Variants in RALYL observed in about 807,000 individuals in gnomAD.
RALYL encodes RNA-binding Raly-like protein.
RALYL carries 29 observed loss-of-function variants against 35.1 expected under a neutral mutation model. The ratio of observed to expected loss-of-function variants is 0.83; its 90% CI spans 0.61 to 1.13. The LOEUF is 1.13. RALYL is among the 50% of genes most tolerant of loss of function. RALYL has a pLI of 0.00. For missense variants in RALYL, 359 were observed against 360.4 expected, an observed-to-expected ratio of 1.00 and a Z score of 0.03; for synonymous variants, 120 against 127.6, an observed-to-expected ratio of 0.94 and a Z score of 0.40.
intron 2 of RALYL, among the ~76,000 whole-genome samples, chr8:84,667,651 C>T (rs1832353327): frequency 6.6e-6 from 1 of 151,832 alleles, no homozygotes; most frequent in Non-Finnish European, 1.5e-5. Flanking sequence ...CATTTTTTTT[C>T]CCTGAATAAT....
chr8:84,273,850 G>T (rs910073165), intron 1 of RALYL, among the ~76,000 whole-genome samples: 1 of 152,206 alleles, frequency 6.6e-6, no homozygotes, highest in African/African-American at 2.4e-5. Context: ...AGGGTTGCTT[G>T]AATAGCATTA....
intron 2 of RALYL, among the ~76,000 whole-genome samples, chr8:84,552,699 G>A (rs567765320): frequency 1.3e-5 from 2 of 150,470 alleles, no homozygotes; most frequent in South Asian, 2.1e-4. Context: ...TTTGACTTTG[G>A]TTTCCTAATT....
At chr8:84,690,409 A>G (rs2132138141) in intron 2 of RALYL, among the ~76,000 whole-genome samples, 1 of 152,226 alleles carries the variant, frequency 6.6e-6, no homozygotes, top group East Asian at 1.9e-4. Context: ...TTGGTCAAAG[A>G]GTATAAAGTT....
chr8:84,903,392 G>C (rs1846000688), intron 8 of RALYL, among the ~76,000 whole-genome samples: 1 of 152,122 alleles, frequency 6.6e-6, no homozygotes, highest in South Asian at 2.1e-4. Context: ...CTAGATCTTT[G>C]TATTTTGGTC....
At chr8:84,540,851 G>A (rs2059973955) in intron 2 of RALYL, among the ~76,000 whole-genome samples, 5 of 151,856 alleles carry the variant, frequency 3.3e-5, no homozygotes, top group Middle Eastern at 6.8e-3. Flanking sequence ...AAGTACTATT[G>A]AGATTTTTAA....
Position 84,687,388 on chromosome 8 carries a change from C to G in RALYL, c.257-87191C>G, listed in dbSNP as rs192974584. ...CAGAACACTCTTGATAGAAGCACATCGAATGGGAAAAAATACCCGAGTGAA... is the reference window on the plus strand; with the variant it reads ...CAGAACACTCTTGATAGAAGCACATGGAATGGGAAAAAATACCCGAGTGAA... On this transcript the variant is annotated intron_variant, in intron 2 of 8. Transcript: ENST00000521268. Among the ~76,000 whole-genome samples, 357 of 152,128 alleles carry G rather than the reference C, an allele frequency of 2.3e-3. 3 individuals carry two copies. The highest frequency in any genetic ancestry group is 8.1e-3 in the African/African-American group (335 of 41,538).
At chr8:84,640,140 A>C (rs568148571) in intron 2 of RALYL, among the ~76,000 whole-genome samples, 1 of 152,144 alleles carries the variant, frequency 6.6e-6, no homozygotes, top group Non-Finnish European at 1.5e-5. Flanking sequence ...ATATTATTGC[A>C]ACAGAAACAT....
intron 2 of RALYL, among the ~76,000 whole-genome samples, chr8:84,549,210 G>A (rs2135400694): frequency 6.6e-6 from 1 of 152,306 alleles, no homozygotes; most frequent in African/African-American, 2.4e-5. Flanking sequence ...TTTGTCAGGA[G>A]CTCAGCTAAG....
chr8:84,761,138 C>T (rs966326940), intron 2 of RALYL, among the ~76,000 whole-genome samples: 9 of 151,928 alleles, frequency 5.9e-5, no homozygotes, highest in African/African-American at 1.9e-4. Flanking sequence ...GCTTATTTTC[C>T]TCAGCACCTG....
At chr8:84,812,389 A>G (rs1194101545) in intron 4 of RALYL, among the ~76,000 whole-genome samples, 1 of 151,952 alleles carries the variant, frequency 6.6e-6, no homozygotes, top group Non-Finnish European at 1.5e-5. Context: ...TTAATGCTCT[A>G]TTTTTGTGCG....
Position 84,392,773 on chromosome 8 carries a change from G to A in RALYL, c.-23-136526G>A, listed in dbSNP as rs570003157. 1.8e-4 allele frequency among the ~76,000 whole-genome samples: 27 copies of A among 152,058 alleles called. No individual in the cohort carries two copies. The South Asian group carries it at 2.5e-3, about 14-fold the overall frequency. ...CTTTTGTATGTACATTAAAGCTGGC[G>A]GGTGGGGAGAAGAGGAAAAAAAATC... On this transcript the variant is annotated intron_variant, in intron 1 of 8. Coordinates refer to ENST00000521268, the MANE Select transcript of RALYL (RefSeq NM_173848.7).
intron 3 of RALYL, among the ~76,000 whole-genome samples, chr8:84,793,955 T>C (rs991490418): frequency 2.0e-5 from 3 of 152,218 alleles, no homozygotes; most frequent in African/African-American, 4.8e-5. Context: ...ACCAAGTCTA[T>C]GTCAGACATT....
At chr8:84,524,394 C>T (rs1564083925) in intron 1 of RALYL, among the ~76,000 whole-genome samples, 1 of 152,144 alleles carries the variant, frequency 6.6e-6, no homozygotes, top group Non-Finnish European at 1.5e-5. Flanking sequence ...ATCAAAACCA[C>T]AAAGAGATAC....
At chr8:84,644,657 G>A (rs1216394421) in intron 2 of RALYL, among the ~76,000 whole-genome samples, 1 of 151,612 alleles carries the variant, frequency 6.6e-6, no homozygotes, top group African/African-American at 2.4e-5. Flanking sequence ...GCCTTCCTGT[G>A]TATTATCTTG....
chr8:84,751,746 T>C (rs187796788), intron 2 of RALYL, among the ~76,000 whole-genome samples: 2 of 152,214 alleles, frequency 1.3e-5, no homozygotes, highest in East Asian at 3.9e-4. Flanking sequence ...AAATCCTGAC[T>C]GCCCCCTTTG....
intron 2 of RALYL, among the ~76,000 whole-genome samples, chr8:84,634,128 T>C (rs960140449): frequency 6.6e-6 from 1 of 151,860 alleles, no homozygotes; most frequent in Non-Finnish European, 1.5e-5. Context: ...GATTAGAATT[T>C]GTATTATTAA....
chr8:84,214,838 ATT>A (rs1213362856), intron 1 of RALYL, among the ~76,000 whole-genome samples: 1 of 151,580 alleles, frequency 6.6e-6, no homozygotes, highest in African/African-American at 2.4e-5. Context: ...AATATTTTGG[ATT>A]TTTTTGTGTG....
chr8:84,536,701 C>G (rs1266367733), intron 2 of RALYL, among the ~76,000 whole-genome samples: 1 of 152,094 alleles, frequency 6.6e-6, no homozygotes, highest in African/African-American at 2.4e-5. Flanking sequence ...TTATGTAATT[C>G]TATTACCATT....
intron 2 of RALYL, among the ~76,000 whole-genome samples, chr8:84,673,108 G>A (rs1209524653): frequency 1.3e-5 from 2 of 152,048 alleles, no homozygotes; most frequent in Non-Finnish European, 2.9e-5. Flanking sequence ...ATTTTGATTT[G>A]CATTTAATGA....
Sources: allele counts gnomAD v4.1 joint callset (sites outside exome capture counted in the v4.1 genomes callset), GRCh38; gene constraint gnomAD v4.1.1; transcripts MANE v1.5; gene names NCBI Gene and HGNC (gene_info 2026-07-23, HGNC 2026-07-21).